EML6: variants seen among roughly 807,000 people sequenced by gnomAD.
EML6 encodes echinoderm microtubule-associated protein-like 6.
A neutral mutation model predicts 240.1 loss-of-function variants in EML6; 154 were observed. That is an observed-to-expected ratio of 0.64 (90% confidence interval 0.56 to 0.73). The LOEUF (loss-of-function observed/expected upper bound fraction) is 0.73. Among genes scored for constraint, EML6 ranks in the 30% least tolerant of loss-of-function variants. The probability of loss-of-function intolerance (pLI) is 0.00; values close to 1 mark genes in which losing one functional copy is unlikely to be tolerated. For synonymous variants in EML6, 1,148 were observed against 899.0 expected, an observed-to-expected ratio of 1.28 and a Z score of -4.95; for missense variants, 2,964 against 2,474.6, an observed-to-expected ratio of 1.20 and a Z score of -4.20.
chr2:54,933,813 A>G (rs1674988792), intron 28 of EML6, among the ~76,000 whole-genome samples: 1 of 152,166 alleles, frequency 6.6e-6, no homozygotes, highest in African/African-American at 2.4e-5. Context: ...CCTTCCCAAA[A>G]AGAGGCGGCT....
intron 2 of EML6, among the ~76,000 whole-genome samples, chr2:54,795,473 G>A (rs528118124): frequency 6.6e-6 from 1 of 152,282 alleles, no homozygotes; most frequent in East Asian, 1.9e-4. Flanking sequence ...TGGGAACACA[G>A]AGCCAATATC....
chr2:54,934,237 A>G (rs907940852), intron 28 of EML6, among the ~76,000 whole-genome samples: 1 of 152,164 alleles, frequency 6.6e-6, no homozygotes, highest in Admixed American at 6.5e-5. Context: ...ACTCTCTTAA[A>G]AGTACAGCTC....
chr2:54,828,771 T>A (rs1024389366), intron 6 of EML6, among the ~76,000 whole-genome samples: 1 of 152,258 alleles, frequency 6.6e-6, no homozygotes, highest in Non-Finnish European at 1.5e-5. Flanking sequence ...AGTATTTTCC[T>A]GTGGAGGAGC....
At chr2:54,800,770 C>T (rs942502754) in intron 2 of EML6, among the ~76,000 whole-genome samples, 2 of 151,970 alleles carry the variant, frequency 1.3e-5, no homozygotes, top group African/African-American at 2.4e-5. Context: ...GGATGAAAAC[C>T]AATACGGGGG....
intron 26 of EML6, among the ~76,000 whole-genome samples, chr2:54,921,202 T>C (rs1317603175): frequency 6.6e-6 from 1 of 152,008 alleles, no homozygotes; most frequent in African/African-American, 2.4e-5. Context: ...ATCTTATATA[T>C]AGAAAACCCT....
At chr2:54,818,072 C>T (rs903149417) in intron 4 of EML6, among the ~76,000 whole-genome samples, 6 of 152,112 alleles carry the variant, frequency 3.9e-5, no homozygotes, top group African/African-American at 1.2e-4. Flanking sequence ...TCTGCATTTA[C>T]TGCTTCTATT....
intron 7 of EML6, 57 bp from the exon 8 acceptor site, chr2:54,843,964 TTGTGTGTGTGTGTGTGTGTGTGTGTG>T (rs70944190): frequency 9.1e-6 from 6 of 657,232 alleles, no homozygotes; most frequent in African/African-American, 2.0e-5. Flanking sequence ...CTTTAGGGTT[TTGTGTGTGTGTGTGTGTGTGTGTGTG>T]TGTGTGTGTG....
At chr2:54,739,637 G>T (rs556542209) in intron 2 of EML6, among the ~76,000 whole-genome samples, 1 of 152,318 alleles carries the variant, frequency 6.6e-6, no homozygotes, top group African/African-American at 2.4e-5. Context: ...AGTCACGAGG[G>T]CAGGAGTCCA....
At chr2:54,895,730 A>T (rs1278237469) in intron 21 of EML6, among the ~76,000 whole-genome samples, 10 of 152,140 alleles carry the variant, frequency 6.6e-5, no homozygotes. Flanking sequence ...AAGCTCACTC[A>T]TGTTGTTGGC....
intron 3 of EML6, 22 bp downstream of exon 3, chr2:54,813,413 TTTTATTTAATGACTTCTCACAACTCAC>T: frequency 6.5e-7 from 1 of 1,542,296 alleles, no homozygotes; most frequent in Non-Finnish European, 8.8e-7. Flanking sequence ...TTTTTAGTTG[TTTTATTTAATGACTTCTCACAACTCAC>T]TTAAAACTAT....
At chr2:54,943,477 C>G (rs967282842) in intron 28 of EML6, among the ~76,000 whole-genome samples, 4 of 152,190 alleles carry the variant, frequency 2.6e-5, no homozygotes, top group African/African-American at 7.2e-5. Context: ...TATAAACTTA[C>G]ACATTTCTGC....
At chr2:54,893,627 C>G (rs1306262820) in intron 19 of EML6, among the ~76,000 whole-genome samples, 1 of 152,184 alleles carries the variant, frequency 6.6e-6, no homozygotes, top group Non-Finnish European at 1.5e-5. Flanking sequence ...ATCAACTTGC[C>G]AGCAAATATC....
intron 26 of EML6, among the ~76,000 whole-genome samples, chr2:54,927,739 G>A (rs544816967): frequency 6.6e-6 from 1 of 152,310 alleles, no homozygotes; most frequent in South Asian, 2.1e-4. Context: ...TATGTATTTG[G>A]CTATGTTTGT....
rs902976735 is a variant in EML6 at position 54,774,815 on chromosome 2, T to G, written c.198-38417T>G. On this transcript the variant is annotated intron_variant, in intron 2 of 41. Transcript: ENST00000356458. This position sits in a 1 kb window ranked among gnomAD's most constrained non-coding sequence, Gnocchi z 4.1. ...TCTTCTACTCTGTGTGGATTGGTCT[T>G]TAGTCAATGCTTCTCCTAATGACTT... Among the ~76,000 whole-genome samples, 1 of 152,230 alleles carries G rather than the reference T, an allele frequency of 6.6e-6. No homozygotes were observed. Among genetic ancestry groups the G allele is most frequent in the Non-Finnish European group, 1.5e-5 (1 of 68,038 alleles).
intron 2 of EML6, among the ~76,000 whole-genome samples, chr2:54,740,887 C>G (rs1189368311): frequency 6.6e-6 from 1 of 151,966 alleles, no homozygotes; most frequent in African/African-American, 2.4e-5. Flanking sequence ...TCTTTCTTGC[C>G]TTGAGTGAAA....
intron 2 of EML6, among the ~76,000 whole-genome samples, chr2:54,752,563 G>C (rs1338592892): frequency 1.3e-5 from 2 of 152,102 alleles, no homozygotes; most frequent in African/African-American, 4.8e-5. Context: ...GTTCTCTTTT[G>C]TGTGGGGCTG....
At chr2:54,854,831 C>G (rs1028604537) in intron 11 of EML6, among the ~76,000 whole-genome samples, 1 of 152,242 alleles carries the variant, frequency 6.6e-6, no homozygotes, top group Non-Finnish European at 1.5e-5. Flanking sequence ...TTCTTTTTCC[C>G]CACAAGAGCC....
At position 54,827,702 on chromosome 2, in the gene EML6, A is replaced by G. The variant is rs191679730; in HGVS notation, c.662A>G (p.Tyr221Cys). ...TCTGGTGCTTTAAATGGTGACATCT[A>G]TGTCTGGAAAGGGCTCAATTTAGTC... Reference protein sequence around the residue: ...TYSGALNGDIYVWKGLNLVRT... With the variant: ...TYSGALNGDICVWKGLNLVRT... Residue 221 changes from tyrosine (Y) to cysteine (C), a missense_variant, in exon 6 of 42, where the codon TAT (tyrosine) becomes TGT (cysteine). Coordinates refer to ENST00000356458, the MANE Select transcript of EML6 (RefSeq NM_001039753.4). The G allele has an allele frequency of 2.0e-3, 3,078 of 1,551,688 alleles. 5 individuals are homozygous for G. Among genetic ancestry groups the G allele is most frequent in the Non-Finnish European group, 2.3e-3 (2,631 of 1,146,940 alleles).
At chr2:54,802,620 AC>A (rs2103978938) in intron 2 of EML6, among the ~76,000 whole-genome samples, 1 of 82,380 alleles carries the variant, frequency 1.2e-5, no homozygotes, top group South Asian at 3.9e-4. Flanking sequence ...CCTGTCTCAT[AC>A]TACTACTACT....
Sources: gnomAD v4.1 joint callset for allele counts (sites outside exome capture counted in the v4.1 genomes callset) on GRCh38, gnomAD v4.1.1 for gene constraint, Gnocchi (gnomAD v3.1) non-coding constraint, MANE v1.5 for transcripts, NCBI Gene and HGNC (gene_info 2026-07-23, HGNC 2026-07-21) for gene names.